Variants in PHKB observed in about 807,000 individuals in gnomAD.
PHKB encodes the protein phosphorylase b kinase regulatory subunit beta.
PHKB carries 122 observed loss-of-function variants against 152.1 expected under a neutral mutation model. The observed-to-expected ratio is 0.80, with a 90% confidence interval of 0.69 to 0.93. The LOEUF is 0.93. Ranked by LOEUF, PHKB falls within the 40% of genes least tolerant of loss-of-function variation. PHKB has a pLI of 0.00. For missense variants in PHKB, 1,304 were observed against 1,328.4 expected (o/e 0.98, Z 0.29); for synonymous variants, 436 against 464.9 (o/e 0.94, Z 0.80).
rs905789025 is a variant in PHKB at position 47,505,803 on chromosome 16, C to T, written c.405+2713C>T. Among the ~76,000 whole-genome samples the T allele has an allele frequency of 7.9e-5, 12 of 151,858 alleles. 1 individual carries two copies. The highest frequency in any genetic ancestry group is 2.2e-4 in the African/African-American group (9 of 41,328). The stretch of plus-strand genomic sequence containing the variant: ...ATCACAGCACTTTGAGAGGCAGAGA[C>T]GGGTGGATCGCTTGAGGCCAGGAGT... On this transcript the variant is annotated intron_variant, in intron 4 of 30. Coordinates refer to ENST00000323584, the MANE Select transcript of PHKB (RefSeq NM_000293.3).
chr16:47,472,374 C>A (rs1405225290), intron 1 of PHKB, among the ~76,000 whole-genome samples: 1 of 152,128 alleles, frequency 6.6e-6, no homozygotes, highest in African/African-American at 2.4e-5. Context: ...AACAACTGCC[C>A]ATTGCGGTGG....
chr16:47,569,337 G>A (rs1252102026), intron 7 of PHKB, among the ~76,000 whole-genome samples: 1 of 151,860 alleles, frequency 6.6e-6, no homozygotes, highest in African/African-American at 2.4e-5. Flanking sequence ...CTCTCTTTTG[G>A]TGTCCATTCA....
intron 29 of PHKB, among the ~76,000 whole-genome samples, chr16:47,696,812 C>T (rs1473402486): frequency 6.6e-6 from 1 of 152,156 alleles, no homozygotes; most frequent in Non-Finnish European, 1.5e-5. Flanking sequence ...CATAAAAGTA[C>T]AGGAAGTGAC....
In PHKB at chr16:47,566,907, G is replaced by A. The variant is rs1971579130; in HGVS notation, c.711-13388G>A. ...TGCTTAGTTCTTGAAGGTCAATAAT[G>A]GGTCACACTGGAAACTGGTATTGTT... On this transcript the variant is annotated intron_variant, in intron 7 of 30. Coordinates refer to ENST00000323584, the MANE Select transcript of PHKB (RefSeq NM_000293.3). 4 of 621,130 alleles carry A rather than the reference G, an allele frequency of 6.4e-6. No individual in the cohort carries two copies. The Admixed American group carries it at 8.8e-5, about 14-fold the overall frequency. The allele number at this position is 621,130 out of a possible 1,614,324, so 38.5% of individuals were successfully genotyped here.
intron 1 of PHKB, among the ~76,000 whole-genome samples, chr16:47,492,026 G>C (rs1970158796): frequency 6.6e-6 from 1 of 152,166 alleles, no homozygotes; most frequent in Non-Finnish European, 1.5e-5. Context: ...AAGGCTCAGA[G>C]AAAGAAAATC....
At chr16:47,612,575 G>T (rs1972447835) in intron 14 of PHKB, among the ~76,000 whole-genome samples, 1 of 152,174 alleles carries the variant, frequency 6.6e-6, no homozygotes, top group South Asian at 2.1e-4. Context: ...AAATTACTTT[G>T]TACTGCTGCT....
At chr16:47,487,188 A>G (rs1970063323) in intron 1 of PHKB, among the ~76,000 whole-genome samples, 1 of 152,244 alleles carries the variant, frequency 6.6e-6, no homozygotes, top group Admixed American at 6.5e-5. Context: ...AACTTCCAGT[A>G]TCAGTATCCA....
At chr16:47,598,753 G>A in intron 13 of PHKB, 1 of 1,586,540 alleles carries the variant, frequency 6.3e-7, no homozygotes, top group African/African-American at 1.3e-5. Context: ...TTCATGTTCA[G>A]CCTAAAGAAT....
intron 1 of PHKB, among the ~76,000 whole-genome samples, chr16:47,489,571 C>T (rs183941519): frequency 6.6e-6 from 1 of 152,218 alleles, no homozygotes; most frequent in Non-Finnish European, 1.5e-5. Flanking sequence ...TGAGCCCAGC[C>T]ATGGGTTTGT....
chr16:47,570,952 G>C (rs1971647995), intron 7 of PHKB, among the ~76,000 whole-genome samples: 1 of 151,804 alleles, frequency 6.6e-6, no homozygotes, highest in Non-Finnish European at 1.5e-5. Context: ...TGATTTGACT[G>C]GGTTCTTTTT....
At chr16:47,505,829 T>C (rs1970406561) in intron 4 of PHKB, among the ~76,000 whole-genome samples, 1 of 151,440 alleles carries the variant, frequency 6.6e-6, no homozygotes, top group African/African-American at 2.4e-5. Context: ...GGCCAGGAGT[T>C]CGAGAGCAGC....
At chr16:47,543,485 G>T (rs981881670) in intron 6 of PHKB, among the ~76,000 whole-genome samples, 1 of 152,100 alleles carries the variant, frequency 6.6e-6, no homozygotes, top group Non-Finnish European at 1.5e-5. Context: ...TGTCTGCCAG[G>T]CTTTAGTATC....
At chr16:47,690,370 C>T (rs1974038520) in intron 27 of PHKB, among the ~76,000 whole-genome samples, 1 of 152,098 alleles carries the variant, frequency 6.6e-6, no homozygotes, top group African/African-American at 2.4e-5. Context: ...CTAATAATGA[C>T]TCAACCCAAG....
intron 10 of PHKB, among the ~76,000 whole-genome samples, chr16:47,592,067 C>T (rs1972038018): frequency 6.6e-6 from 1 of 152,162 alleles, no homozygotes; most frequent in South Asian, 2.1e-4. Flanking sequence ...AACATTCCTG[C>T]ACCACACAGG....
intron 1 of PHKB, among the ~76,000 whole-genome samples, chr16:47,474,805 A>G (rs532695338): frequency 6.6e-6 from 1 of 151,620 alleles, no homozygotes; most frequent in Non-Finnish European, 1.5e-5. Flanking sequence ...GCTCACTGCA[A>G]CCTCCATCTC....
intron 26 of PHKB, among the ~76,000 whole-genome samples, chr16:47,680,773 G>C (rs903039533): frequency 1.4e-4 from 22 of 152,072 alleles, no homozygotes; most frequent in African/African-American, 5.3e-4. Context: ...ATTTCCTTCA[G>C]TTCTGCACTG....
chr16:47,652,120 G>C (rs1973248196), intron 20 of PHKB, among the ~76,000 whole-genome samples: 1 of 151,838 alleles, frequency 6.6e-6, no homozygotes. Context: ...GCATTTGTCA[G>C]ATGTCCGGTA....
intron 14 of PHKB, among the ~76,000 whole-genome samples, chr16:47,624,130 A>G (rs1972667436): frequency 1.3e-5 from 2 of 152,138 alleles, no homozygotes; most frequent in African/African-American, 4.8e-5. Context: ...TTATATTTTA[A>G]TGTTCTCCTC....
At chr16:47,556,153 A>C (rs902406948) in intron 7 of PHKB, among the ~76,000 whole-genome samples, 14 of 152,168 alleles carry the variant, frequency 9.2e-5, no homozygotes, top group African/African-American at 2.9e-4. Context: ...GTTGCTTATC[A>C]GCTTGAGATT....
Sources: gnomAD v4.1 joint callset for allele counts (sites outside exome capture counted in the v4.1 genomes callset) on GRCh38, gnomAD v4.1.1 for gene constraint, MANE v1.5 for transcripts, NCBI Gene and HGNC (gene_info 2026-07-23, HGNC 2026-07-21) for gene names.